Variants in SNX29 observed in about 807,000 individuals in gnomAD.
SNX29 encodes sorting nexin 29.
Under a neutral mutation model 102.1 loss-of-function variants are expected in SNX29, and 78 were observed. The observed-to-expected ratio is 0.76, with a 90% CI of 0.64 to 0.92. The LOEUF (loss-of-function observed/expected upper bound fraction) is 0.92. SNX29 is among the 40% of genes least tolerant of loss of function. SNX29 has a pLI of 0.00. For missense variants in SNX29, 1,280 were observed against 1,061.7 expected (o/e 1.21, Z -2.86); for synonymous variants, 580 against 414.5 (o/e 1.40, Z -4.85).
chr16:11,991,735 G>A (rs941098018), intron 1 of SNX29, among the ~76,000 whole-genome samples: 4 of 134,068 alleles, frequency 3.0e-5, no homozygotes, highest in African/African-American at 1.1e-4. Flanking sequence ...TTTTTTTCCA[G>A]TAGAGATGGG....
Position 12,452,785 on chromosome 16 carries a change from G to A in SNX29, c.2038-24934G>A, listed in dbSNP as rs1055004879. 2.0e-5 allele frequency among the ~76,000 whole-genome samples: 3 copies of A among 152,182 alleles called. No individual in the cohort carries two copies. In the East Asian group the frequency reaches 5.8e-4, roughly 29 times the overall value. ...TGGTGAAGGTGTCGGCAGGCATGGT[G>A]CTGTGGGACAGGAACTGTCACCTCT... On this transcript the variant is annotated intron_variant, in intron 18 of 20. Transcript: ENST00000566228.
At chr16:12,537,368 C>G (rs534803504) in intron 20 of SNX29, among the ~76,000 whole-genome samples, 1 of 152,230 alleles carries the variant, frequency 6.6e-6, no homozygotes, top group African/African-American at 2.4e-5. Flanking sequence ...CAACTTGGTG[C>G]ATGACAGAAA....
chr16:12,058,023 TG>T lies in SNX29; in HGVS notation c.1125-3503del, dbSNP rs1312127943. On this transcript the variant is annotated intron_variant, in intron 8 of 20. Coordinates refer to ENST00000566228, the MANE Select transcript of SNX29 (RefSeq NM_032167.5). Reference sequence around the variant, plus strand: ...TAGTAGAGATGGGGTTTCACCATGTTGGCCAGGCTGGTCTCAAAACTCCTGA... The same window carrying T: ...TAGTAGAGATGGGGTTTCACCATGTTGCCAGGCTGGTCTCAAAACTCCTGA... Among the ~76,000 whole-genome samples the T allele has an allele frequency of 3.3e-5, 5 of 152,076 alleles. No homozygotes were observed. In the East Asian group the frequency reaches 9.6e-4, roughly 29 times the overall value.
chr16:12,196,703 C>G (rs1204474900), intron 13 of SNX29, among the ~76,000 whole-genome samples: 4 of 148,310 alleles, frequency 2.7e-5, no homozygotes, highest in Non-Finnish European at 5.9e-5. Flanking sequence ...TCACTGCAAG[C>G]TCCGCCTCCC....
chr16:12,089,537 T>A (rs1350683451), intron 11 of SNX29, among the ~76,000 whole-genome samples: 1 of 152,004 alleles, frequency 6.6e-6, no homozygotes, highest in East Asian at 1.9e-4. Flanking sequence ...TATGCCCTGT[T>A]TTAAGGCATG....
At chr16:12,117,289 C>T (rs376002371) in intron 11 of SNX29, among the ~76,000 whole-genome samples, 34 of 137,094 alleles carry the variant, frequency 2.5e-4, no homozygotes, top group East Asian at 1.1e-3. Context: ...TCAACGCGGA[C>T]GAACCGTGGA....
At chr16:12,163,938 C>G (rs1358708288) in intron 13 of SNX29, among the ~76,000 whole-genome samples, 1 of 152,014 alleles carries the variant, frequency 6.6e-6, no homozygotes, top group Non-Finnish European at 1.5e-5. Context: ...GAGATGTTAA[C>G]AAGTAATTGA....
At chr16:12,202,026 G>A (rs1005554334) in intron 14 of SNX29, among the ~76,000 whole-genome samples, 3 of 152,138 alleles carry the variant, frequency 2.0e-5, no homozygotes, top group Non-Finnish European at 4.4e-5. Flanking sequence ...AGCCACAGCT[G>A]GATATGAGCC....
chr16:12,132,908 A>G (rs73519805), intron 13 of SNX29, among the ~76,000 whole-genome samples: 3,742 of 152,354 alleles, frequency 0.025, 161 homozygotes, highest in African/African-American at 0.087. Flanking sequence ...TTCCAGATAG[A>G]GTTAACCTCT....
At chr16:12,439,784 A>G (rs10048080) in intron 18 of SNX29, among the ~76,000 whole-genome samples, 3,885 of 152,222 alleles carry the variant, frequency 0.026, 85 homozygotes, top group East Asian at 0.096. Flanking sequence ...CCTCTCTGAG[A>G]CTCAGTTTCC....
At chr16:12,429,820 C>T (rs1223058595) in intron 18 of SNX29, among the ~76,000 whole-genome samples, 6 of 152,152 alleles carry the variant, frequency 3.9e-5, no homozygotes, top group African/African-American at 7.2e-5. Flanking sequence ...TTAGAGGAGC[C>T]GGTAGCAGTG....
At chr16:12,411,258 C>T (rs2084387304) in intron 18 of SNX29, among the ~76,000 whole-genome samples, 1 of 152,148 alleles carries the variant, frequency 6.6e-6, no homozygotes, top group African/African-American at 2.4e-5. Context: ...CAGCCGTTTG[C>T]TGTTTGATTT....
At chr16:12,007,396 T>TCCTCC (rs2056490524) in intron 3 of SNX29, among the ~76,000 whole-genome samples, 1 of 152,010 alleles carries the variant, frequency 6.6e-6, no homozygotes, top group African/African-American at 2.4e-5. Flanking sequence ...TCCCAGCTAC[T>TCCTCC]CGGGAGGCTG....
chr16:12,515,463 C>G (rs1454868467), intron 19 of SNX29: 2 of 481,398 alleles, frequency 4.2e-6, no homozygotes, highest in Non-Finnish European at 8.3e-6. Context: ...GATCAGTCAG[C>G]TCTGAAATAG....
intron 15 of SNX29, among the ~76,000 whole-genome samples, chr16:12,351,703 C>G (rs1254038924): frequency 6.6e-6 from 1 of 152,066 alleles, no homozygotes; most frequent in Non-Finnish European, 1.5e-5. Context: ...TCCTGATACT[C>G]CAGCTGGAAG....
At chr16:12,398,209 TC>T (rs1307548774) in intron 16 of SNX29, among the ~76,000 whole-genome samples, 18 of 152,144 alleles carry the variant, frequency 1.2e-4, no homozygotes, top group Non-Finnish European at 2.6e-4. Context: ...GGATTAACAG[TC>T]CCTTGGCCAT....
intron 14 of SNX29, among the ~76,000 whole-genome samples, chr16:12,259,780 C>T (rs1156857536): frequency 6.6e-6 from 1 of 152,158 alleles, no homozygotes; most frequent in African/African-American, 2.4e-5. Context: ...CACGAATCTG[C>T]ATTGTAACAA....
At chr16:11,996,557 G>A in intron 1 of SNX29, among the ~76,000 whole-genome samples, 1 of 152,112 alleles carries the variant, frequency 6.6e-6, no homozygotes, top group East Asian at 1.9e-4. Flanking sequence ...TTTCCTGCAT[G>A]AATTGCTTTT....
chr16:12,543,511 T>C (rs945196141), intron 20 of SNX29, among the ~76,000 whole-genome samples: 6 of 152,146 alleles, frequency 3.9e-5, no homozygotes, highest in Admixed American at 1.3e-4. Flanking sequence ...CGAGTCATTG[T>C]GTAAGAAGCT....
Sources: allele counts gnomAD v4.1 joint callset (sites outside exome capture counted in the v4.1 genomes callset), GRCh38; gene constraint gnomAD v4.1.1; transcripts MANE v1.5; gene names NCBI Gene and HGNC (gene_info 2026-07-23, HGNC 2026-07-21).